The following UEVLD variants were observed in gnomAD, a reference collection of about 807,000 sequenced individuals.
UEVLD encodes UEV and lactate/malate dehyrogenase domains, also known as ubiquitin-conjugating enzyme E2 variant 3.
UEVLD carries 47 observed loss-of-function variants against 58.6 expected under a neutral mutation model. The observed-to-expected ratio is 0.80, with a 90% confidence interval of 0.63 to 1.02. The LOEUF (loss-of-function observed/expected upper bound fraction) is 1.02, where lower values mean the gene tolerates loss of function less well. Ranked by LOEUF, UEVLD falls within the 50% of genes least tolerant of loss-of-function variation. UEVLD has a pLI of 0.00. For missense variants in UEVLD, 510 were observed against 550.6 expected, an observed-to-expected ratio of 0.93 and a Z score of 0.74; for synonymous variants, 197 against 195.3, an observed-to-expected ratio of 1.01 and a Z score of -0.07.
Position 18,547,031 on chromosome 11 carries a change from A to G in UEVLD, c.735T>C (p.His245=). The G allele has an allele frequency of 6.2e-7, 1 of 1,613,374 alleles. No homozygotes were observed. The highest frequency in any genetic ancestry group is 8.5e-7 in the Non-Finnish European group (1 of 1,179,880). Residue 245 remains histidine (H), a synonymous_variant, in exon 8 of 12, where the codon CAT becomes CAC. Coordinates refer to ENST00000396197, the MANE Select transcript of UEVLD (RefSeq NM_001040697.4). ...TGACTGTGAAGATCACCACCTTGGAATGAGCAGAGGCAGACAAATCTAGTG... is the reference window on the plus strand; with the variant it reads ...TGACTGTGAAGATCACCACCTTGGAGTGAGCAGAGGCAGACAAATCTAGTG... ...EISKDLSASA[H]SKVVIFTVNS...
chr11:18,584,688 A>G (rs1453530468), intron 1 of UEVLD, among the ~76,000 whole-genome samples: 2 of 152,144 alleles, frequency 1.3e-5, no homozygotes, highest in Non-Finnish European at 2.9e-5. Flanking sequence ...GCTGGAGTGC[A>G]GTGGCGTGAT....
In UEVLD at chr11:18,588,729, GC is replaced by G. The variant is rs1853733559; in HGVS notation, c.-76del. On this transcript the variant is annotated 5_prime_UTR_variant, in exon 1 of 12. Transcript: ENST00000396197. The stretch of plus-strand genomic sequence containing the variant: ...CTTCCGGACTTGCTGCAGGACGGAA[GC>G]CGCTGAGGACCAAACTTCCCGGCGG... 1.9e-6 allele frequency: 3 copies of G among 1,541,600 alleles called. No individual in the cohort carries two copies. The highest frequency in any genetic ancestry group is 2.6e-6 in the Non-Finnish European group (3 of 1,145,660).
At chr11:18,544,013 C>T (rs1160819017) in intron 9 of UEVLD, among the ~76,000 whole-genome samples, 2 of 152,138 alleles carry the variant, frequency 1.3e-5, no homozygotes, top group African/African-American at 4.8e-5. Flanking sequence ...TCTATATATG[C>T]TTTAAGGTTT....
intron 9 of UEVLD, chr11:18,536,838 G>A (rs1390311520): frequency 1.1e-5 from 2 of 183,918 alleles, no homozygotes; most frequent in Non-Finnish European, 1.1e-5. Flanking sequence ...GAATAATCTG[G>A]TCACCTATTT....
chr11:18,570,888 C>T (rs1852569502), intron 3 of UEVLD: 2 of 149,486 alleles, frequency 1.3e-5, no homozygotes, highest in African/African-American at 4.9e-5. Context: ...ACTGGTATAA[C>T]ATTTGAGTAA....
intron 9 of UEVLD, among the ~76,000 whole-genome samples, chr11:18,539,709 C>T (rs937703147): frequency 6.6e-6 from 1 of 152,108 alleles, no homozygotes; most frequent in African/African-American, 2.4e-5. Context: ...GCCAAGTGAA[C>T]GAGTTCAGGG....
chr11:18,557,242 C>T (rs1851792264), intron 7 of UEVLD, among the ~76,000 whole-genome samples: 1 of 152,028 alleles, frequency 6.6e-6, no homozygotes, highest in Non-Finnish European at 1.5e-5. Context: ...AACTCCGCAT[C>T]CCGGGTTCAC....
At chr11:18,549,952 G>A (rs910433597) in intron 7 of UEVLD, among the ~76,000 whole-genome samples, 1 of 151,896 alleles carries the variant, frequency 6.6e-6, no homozygotes, top group Non-Finnish European at 1.5e-5. Flanking sequence ...CTCCCAAGTA[G>A]CTGGGATTAC....
intron 1 of UEVLD, among the ~76,000 whole-genome samples, chr11:18,586,530 T>C (rs1050777616): frequency 4.6e-5 from 7 of 152,072 alleles, no homozygotes; most frequent in Middle Eastern, 3.2e-3. Context: ...CATTTATTTC[T>C]ACTTTTTAGA....
chr11:18,565,921 T>TG (rs1852273582), intron 5 of UEVLD, among the ~76,000 whole-genome samples: 1 of 142,380 alleles, frequency 7.0e-6, no homozygotes, highest in Admixed American at 7.4e-5. Flanking sequence ...TTTTTTGAGA[T>TG]GGAGTCTTGC....
intron 8 of UEVLD, among the ~76,000 whole-genome samples, chr11:18,545,917 C>G (rs1851287161): frequency 6.6e-6 from 1 of 152,060 alleles, no homozygotes; most frequent in Non-Finnish European, 1.5e-5. Context: ...AATTAAAATA[C>G]TGATTCATAT....
chr11:18,557,277 G>T (rs950926583), intron 7 of UEVLD, among the ~76,000 whole-genome samples: 1 of 150,852 alleles, frequency 6.6e-6, no homozygotes, highest in African/African-American at 2.4e-5. Flanking sequence ...TCAGCCTCCC[G>T]AGTAGCTGGG....
chr11:18,566,607 T>A, intron 4 of UEVLD, 125 bp from the exon 5 acceptor site: 1 of 959,380 alleles, frequency 1.0e-6, no homozygotes, highest in Non-Finnish European at 1.5e-6. Flanking sequence ...GTTGCACCAC[T>A]ATACTCCAGC....
At chr11:18,577,219 G>A (rs962004129) in intron 2 of UEVLD, among the ~76,000 whole-genome samples, 1 of 151,884 alleles carries the variant, frequency 6.6e-6, no homozygotes, top group South Asian at 2.1e-4. Flanking sequence ...CCAGTCTCCC[G>A]CAAAAACAAA....
At chr11:18,533,773 G>A (rs1287366842) in intron 11 of UEVLD, among the ~76,000 whole-genome samples, 1 of 152,078 alleles carries the variant, frequency 6.6e-6, no homozygotes, top group African/African-American at 2.4e-5. Context: ...TGCAACCTCC[G>A]CCTCCCGAGT....
At chr11:18,540,575 A>G (rs1334176925) in intron 9 of UEVLD, among the ~76,000 whole-genome samples, 1 of 152,212 alleles carries the variant, frequency 6.6e-6, no homozygotes, top group Non-Finnish European at 1.5e-5. Context: ...AGAACTACAT[A>G]GTTAACTTCA....
chr11:18,543,150 CA>C (rs1851139271), intron 9 of UEVLD, among the ~76,000 whole-genome samples: 1 of 152,078 alleles, frequency 6.6e-6, no homozygotes, highest in South Asian at 2.1e-4. Context: ...CTTGGCCTCC[CA>C]AAGTGCTGGG....
At chr11:18,551,378 G>C (rs77579478) in intron 7 of UEVLD, among the ~76,000 whole-genome samples, 5,917 of 125,094 alleles carry the variant, frequency 0.047, 265 homozygotes, top group East Asian at 0.26. Context: ...AGCTGAGATC[G>C]CGCCACTGCA....
At position 18,530,048 on chromosome 11, in the gene UEVLD, TTAATG is replaced by T. The variant is rs1364033166; in HGVS notation, c.*2267_*2271del. 1 of 152,216 alleles carries T rather than the reference TTAATG, an allele frequency of 6.6e-6. No homozygotes were observed. The highest frequency in any genetic ancestry group is 1.5e-5 in the Non-Finnish European group (1 of 68,030). 9.4% of individuals were successfully genotyped at this position (152,216 alleles called of 1,614,324 possible). On this transcript the variant is annotated 3_prime_UTR_variant, in exon 12 of 12. Coordinates refer to ENST00000396197, the MANE Select transcript of UEVLD (RefSeq NM_001040697.4). ...TTGTATTGACATGTTCCTTTTATAATTAATGTAATGATTTCTTGGTAATTTATTAT... is the reference window on the plus strand; with the variant it reads ...TTGTATTGACATGTTCCTTTTATAATTAATGATTTCTTGGTAATTTATTAT...
Sources: allele counts gnomAD v4.1 joint callset (sites outside exome capture counted in the v4.1 genomes callset), GRCh38; gene constraint gnomAD v4.1.1; transcripts MANE v1.5; gene names NCBI Gene and HGNC (gene_info 2026-07-23, HGNC 2026-07-21).